Variants in DGKB observed in about 807,000 individuals in gnomAD.
DGKB encodes the protein diacylglycerol kinase beta.
A neutral mutation model predicts 114.3 loss-of-function variants in DGKB; 67 were observed. That is an observed-to-expected ratio of 0.59 (90% CI 0.48 to 0.72). DGKB has a LOEUF of 0.72. Among genes scored for constraint, DGKB ranks in the 30% least tolerant of loss-of-function variants. DGKB has a pLI of 0.00. For synonymous variants in DGKB, 398 were observed against 323.1 expected (o/e 1.23, Z -2.49); for missense variants, 907 against 975.2 (o/e 0.93, Z 0.93).
chr7:14,756,960 C>A (rs574077602), intron 3 of DGKB, among the ~76,000 whole-genome samples: 1 of 151,832 alleles, frequency 6.6e-6, no homozygotes, highest in Non-Finnish European at 1.5e-5. Flanking sequence ...ATTTAACAAG[C>A]AATTAGGAAG....
At chr7:14,504,623 G>T (rs1326817369) in intron 20 of DGKB, among the ~76,000 whole-genome samples, 2 of 152,098 alleles carry the variant, frequency 1.3e-5, no homozygotes, top group Non-Finnish European at 2.9e-5. Flanking sequence ...CAAAGTGAAT[G>T]AATGTTCTGA....
intron 21 of DGKB, among the ~76,000 whole-genome samples, chr7:14,395,262 A>T (rs924462853): frequency 1.3e-5 from 2 of 152,100 alleles, no homozygotes; most frequent in Non-Finnish European, 2.9e-5. Context: ...AATGAATACA[A>T]TGATGAAATA....
intron 23 of DGKB, 113 bp from the exon 24 acceptor site, chr7:14,178,264 C>A (rs1169099978): frequency 9.4e-6 from 11 of 1,167,802 alleles, no homozygotes; most frequent in Non-Finnish European, 1.3e-5. Context: ...ACAAAGAAAG[C>A]TTGTCTTAGA....
chr7:14,280,051 C>G (rs1349616715), intron 23 of DGKB, among the ~76,000 whole-genome samples: 1 of 151,908 alleles, frequency 6.6e-6, no homozygotes, highest in African/African-American at 2.4e-5. Context: ...TTCAGACGAT[C>G]AAATTACTCT....
At chr7:14,870,862 C>T (rs1226172315) in intron 1 of DGKB, among the ~76,000 whole-genome samples, 5 of 414 alleles carry the variant, frequency 0.012, 2 homozygotes, top group African/African-American at 0.012. Context: ...GAGGCCGAGG[C>T]GGGCGGATCA....
chr7:14,951,134 G>A (rs896849396), intron 1 of DGKB, among the ~76,000 whole-genome samples: 1 of 151,894 alleles, frequency 6.6e-6, no homozygotes, highest in Non-Finnish European at 1.5e-5. Flanking sequence ...AAATTCCACA[G>A]CTAACATCCT....
intron 23 of DGKB, among the ~76,000 whole-genome samples, chr7:14,275,529 T>C (rs1005864376): frequency 5.9e-5 from 9 of 152,208 alleles, no homozygotes; most frequent in Non-Finnish European, 1.0e-4. Flanking sequence ...AGCACTTAAT[T>C]GCAACATGTG....
At chr7:14,677,642 C>A (rs1307389351) in intron 12 of DGKB, among the ~76,000 whole-genome samples, 3 of 151,922 alleles carry the variant, frequency 2.0e-5, no homozygotes, top group African/African-American at 7.2e-5. Flanking sequence ...CTTACCTTGA[C>A]AAGCAATGAT....
intron 21 of DGKB, among the ~76,000 whole-genome samples, chr7:14,459,249 C>G (rs1180278637): frequency 6.6e-6 from 1 of 152,032 alleles, no homozygotes; most frequent in Non-Finnish European, 1.5e-5. Flanking sequence ...GCAGAGCACC[C>G]GGGGGAAGGG....
intron 23 of DGKB, among the ~76,000 whole-genome samples, chr7:14,257,969 C>T (rs1796190174): frequency 6.6e-6 from 1 of 152,152 alleles, no homozygotes; most frequent in Non-Finnish European, 1.5e-5. Context: ...CTCAGGTAAT[C>T]CACTTGCCTC....
intron 20 of DGKB, among the ~76,000 whole-genome samples, chr7:14,520,993 G>T (rs957461343): frequency 6.6e-6 from 1 of 151,968 alleles, no homozygotes; most frequent in Non-Finnish European, 1.5e-5. Flanking sequence ...TATGAGAGGG[G>T]TTTTTTCTTT....
intron 1 of DGKB, among the ~76,000 whole-genome samples, chr7:14,859,197 G>A (rs1322044866): frequency 6.6e-6 from 1 of 152,040 alleles, no homozygotes; most frequent in Non-Finnish European, 1.5e-5. Context: ...ATGGGGTGTG[G>A]GTGGATGTTG....
At chr7:14,786,492 C>T (rs2128497589) in intron 2 of DGKB, among the ~76,000 whole-genome samples, 1 of 152,322 alleles carries the variant, frequency 6.6e-6, no homozygotes, top group Non-Finnish European at 1.5e-5. Context: ...GGAGGCATGG[C>T]CAGGGCTGTG....
At chr7:14,941,302 T>C (rs1785559808) in intron 1 of DGKB, among the ~76,000 whole-genome samples, 1 of 152,108 alleles carries the variant, frequency 6.6e-6, no homozygotes, top group African/African-American at 2.4e-5. Context: ...GTGTGGAGTC[T>C]GGTCTTACAA....
chr7:14,671,530 A>G lies in DGKB; in HGVS notation c.1134+1399T>C, dbSNP rs560517404. On this transcript the variant is annotated intron_variant, in intron 13 of 25. Transcript: ENST00000402815. ...AAAGACAAGAAAATTCACGTAACAC[A>G]CGCTCTTTACATTTGATTCTCTCAA... Among the ~76,000 whole-genome samples the G allele has an allele frequency of 5.3e-5, 8 of 152,334 alleles. No individual in the cohort carries two copies. In the South Asian group the frequency reaches 8.3e-4, roughly 16 times the overall value.
intron 20 of DGKB, among the ~76,000 whole-genome samples, chr7:14,547,205 G>T (rs10499448): frequency 3.3e-5 from 5 of 151,880 alleles, no homozygotes; most frequent in Non-Finnish European, 7.4e-5. Flanking sequence ...TATTGATTAC[G>T]TACACCTCCA....
intron 1 of DGKB, among the ~76,000 whole-genome samples, chr7:14,932,841 C>T (rs556492342): frequency 6.6e-6 from 1 of 152,224 alleles, no homozygotes; most frequent in East Asian, 1.9e-4. Context: ...GGTGTTGGTA[C>T]CTAGTGGGAG....
chr7:14,705,194 C>A (rs554026355), intron 6 of DGKB, among the ~76,000 whole-genome samples: 1 of 151,808 alleles, frequency 6.6e-6, no homozygotes, highest in Non-Finnish European at 1.5e-5. Flanking sequence ...GGAGCCGATG[C>A]GATCAACTGG....
chr7:14,811,178 T>C (rs1440989312), intron 2 of DGKB, among the ~76,000 whole-genome samples: 4 of 152,172 alleles, frequency 2.6e-5, no homozygotes. Context: ...GATTTCTCAA[T>C]ATTTATGAGC....
Sources: allele counts gnomAD v4.1 joint callset (sites outside exome capture counted in the v4.1 genomes callset), GRCh38; gene constraint gnomAD v4.1.1; transcripts MANE v1.5; gene names NCBI Gene and HGNC (gene_info 2026-07-23, HGNC 2026-07-21).